Variants in SOX6 observed in about 807,000 individuals in gnomAD.
SOX6 encodes transcription factor SOX-6.
A neutral mutation model predicts 97.8 loss-of-function variants in SOX6; 11 were observed. The ratio of observed to expected loss-of-function variants is 0.11; its 90% confidence interval spans 0.07 to 0.19. SOX6 has a LOEUF of 0.19. Ranked by LOEUF, SOX6 falls within the 10% of genes least tolerant of loss-of-function variation. The pLI is 1.00. For synonymous variants in SOX6, 360 were observed against 371.4 expected, an observed-to-expected ratio of 0.97 and a Z score of 0.35; for missense variants, 810 against 1,039.5, an observed-to-expected ratio of 0.78 and a Z score of 3.04.
chr11:16,080,459 A>G (rs1344639096), intron 9 of SOX6, among the ~76,000 whole-genome samples: 3 of 152,134 alleles, frequency 2.0e-5, no homozygotes, highest in Non-Finnish European at 2.9e-5. Flanking sequence ...AGATTTTTGT[A>G]TGGAGTAAAT....
intron 4 of SOX6, among the ~76,000 whole-genome samples, chr11:16,528,855 G>T (rs1773731687): frequency 6.6e-6 from 1 of 152,042 alleles, no homozygotes; most frequent in African/African-American, 2.4e-5. Flanking sequence ...GCACTAGGGT[G>T]TTTCCCTTTC....
chr11:15,973,240 G>T, intron 15 of SOX6, 128 bp from the exon 16 acceptor site: 1 of 927,158 alleles, frequency 1.1e-6, no homozygotes, highest in Non-Finnish European at 1.6e-6. Context: ...AACATTCTAA[G>T]CAAATAAAAT....
At chr11:16,491,803 G>T (rs1433632575) in intron 4 of SOX6, among the ~76,000 whole-genome samples, 2 of 152,084 alleles carry the variant, frequency 1.3e-5, no homozygotes, top group Non-Finnish European at 2.9e-5. Flanking sequence ...AATAAAACTT[G>T]CTCTCTATCT....
intron 15 of SOX6, among the ~76,000 whole-genome samples, chr11:15,980,220 A>C (rs1204238535): frequency 6.6e-6 from 1 of 152,060 alleles, no homozygotes; most frequent in Non-Finnish European, 1.5e-5. Flanking sequence ...CCAATCTGCA[A>C]AGTAGGAGGA....
intron 3 of SOX6, among the ~76,000 whole-genome samples, chr11:16,695,274 T>C (rs948451897): frequency 3.3e-5 from 5 of 152,262 alleles, no homozygotes; most frequent in African/African-American, 1.2e-4. Context: ...TTCTGCATTT[T>C]ATACTTAGCA....
intron 3 of SOX6, among the ~76,000 whole-genome samples, chr11:16,644,310 G>T (rs1169194149): frequency 5.9e-5 from 9 of 152,126 alleles, no homozygotes; most frequent in Admixed American, 3.3e-4. Context: ...AAAGTGCTGG[G>T]ATTACATATC....
intron 11 of SOX6, among the ~76,000 whole-genome samples, chr11:16,047,701 CGTGTGTGTGTGTGT>C (rs68008241): frequency 3.4e-5 from 5 of 145,922 alleles, no homozygotes; most frequent in African/African-American, 1.3e-4. Context: ...CATTTCATAG[CGTGTGTGTGTGTGT>C]GTGTGTGTGT....
intron 1 of SOX6, among the ~76,000 whole-genome samples, chr11:16,412,451 C>T (rs7930085): frequency 0.31 from 47,430 of 151,930 alleles, 8,361 homozygotes; most frequent in Non-Finnish European, 0.4. Flanking sequence ...GATAAAAAAC[C>T]AACTCAAAGT....
At chr11:16,525,204 A>G (rs1195414773) in intron 4 of SOX6, among the ~76,000 whole-genome samples, 1 of 152,206 alleles carries the variant, frequency 6.6e-6, no homozygotes, top group Non-Finnish European at 1.5e-5. Flanking sequence ...ACAAAGATGG[A>G]AGCACCACGC....
intron 4 of SOX6, among the ~76,000 whole-genome samples, chr11:16,208,234 T>C (rs1035854332): frequency 1.5e-4 from 23 of 152,240 alleles, no homozygotes; most frequent in African/African-American, 5.5e-4. Flanking sequence ...CATACACATC[T>C]GTCATTTGAA....
At chr11:16,510,859 G>A (rs1860870702) in intron 4 of SOX6, among the ~76,000 whole-genome samples, 1 of 151,934 alleles carries the variant, frequency 6.6e-6, no homozygotes, top group Admixed American at 6.6e-5. Flanking sequence ...TTTTCCATGT[G>A]GGTAAACTGA....
At chr11:16,166,701 G>C (rs1850895741) in intron 6 of SOX6, among the ~76,000 whole-genome samples, 4 of 152,174 alleles carry the variant, frequency 2.6e-5, no homozygotes. Flanking sequence ...GACTGAGTCA[G>C]GGGAAAGCAG....
chr11:16,055,688 T>C, intron 10 of SOX6, 64 bp downstream of exon 10: 4 of 1,605,272 alleles, frequency 2.5e-6, no homozygotes, highest in Non-Finnish European at 3.4e-6. Context: ...CATAGCCTGC[T>C]TCACTATCTT....
chr11:16,681,479 T>C (rs1003622365), intron 3 of SOX6, among the ~76,000 whole-genome samples: 5 of 152,202 alleles, frequency 3.3e-5, no homozygotes, highest in African/African-American at 9.7e-5. Flanking sequence ...GGGAAATTTA[T>C]AGCACTAAAT....
At chr11:16,571,579 C>A (rs1847938502) in intron 4 of SOX6, among the ~76,000 whole-genome samples, 1 of 152,076 alleles carries the variant, frequency 6.6e-6, no homozygotes, top group Admixed American at 6.6e-5. Context: ...TACAAGCATG[C>A]AACACTGTAC....
intron 3 of SOX6, among the ~76,000 whole-genome samples, chr11:16,286,158 T>A (rs1474806809): frequency 6.6e-6 from 1 of 152,152 alleles, no homozygotes; most frequent in East Asian, 1.9e-4. Flanking sequence ...CCTTCTCGAA[T>A]AAGAGAATGT....
intron 1 of SOX6, among the ~76,000 whole-genome samples, chr11:16,344,324 TTAAA>T (rs1481511925): frequency 6.6e-6 from 1 of 151,962 alleles, no homozygotes; most frequent in Non-Finnish European, 1.5e-5. Flanking sequence ...ATGCAGTTTA[TTAAA>T]TAAACTTTAG....
At chr11:16,392,858 A>G (rs1448738622) in intron 1 of SOX6, among the ~76,000 whole-genome samples, 1 of 152,088 alleles carries the variant, frequency 6.6e-6, no homozygotes, top group Non-Finnish European at 1.5e-5. Flanking sequence ...AGAGGAATAT[A>G]TGTTTGTCCC....
chr11:16,027,455 T>C, intron 12 of SOX6, among the ~76,000 whole-genome samples: 1 of 152,324 alleles, frequency 6.6e-6, no homozygotes, highest in East Asian at 1.9e-4. Flanking sequence ...TCTTAGTTTT[T>C]ACTGATACCT....
Sources: gnomAD v4.1 joint callset for allele counts (sites outside exome capture counted in the v4.1 genomes callset) on GRCh38, gnomAD v4.1.1 for gene constraint, MANE v1.5 for transcripts, NCBI Gene and HGNC (gene_info 2026-07-23, HGNC 2026-07-21) for gene names.